DRC11: variants seen among roughly 807,000 people sequenced by gnomAD.
DRC11 encodes IQ and AAA domain-containing protein 1.
At chr2:236,306,889 G>A in the DRC11 span, among the ~76,000 whole-genome samples, 6 of 152,268 alleles carry the variant, frequency 3.9e-5, no homozygotes, top group African/African-American at 9.6e-5. This position sits in a 1 kb window ranked among gnomAD's most constrained non-coding sequence, Gnocchi z 5.9. Flanking sequence ...ATATTATCCT[G>A]TGTGTAAATT....
the DRC11 span, among the ~76,000 whole-genome samples, chr2:236,383,200 T>C: frequency 6.6e-6 from 1 of 152,218 alleles, no homozygotes; most frequent in African/African-American, 2.4e-5. Context: ...TTTCTAAGAA[T>C]GTATCCATTT....
the DRC11 span, among the ~76,000 whole-genome samples, chr2:236,358,000 A>G: frequency 8.7e-6 from 1 of 115,458 alleles, no homozygotes; most frequent in East Asian, 2.6e-4. Flanking sequence ...ATATATGAAT[A>G]TATATTTATA....
At chr2:236,411,626 G>T in the DRC11 span, among the ~76,000 whole-genome samples, 2 of 150,926 alleles carry the variant, frequency 1.3e-5, no homozygotes, top group Non-Finnish European at 3.0e-5. Flanking sequence ...ATTCACAATA[G>T]CAAAGACTTG....
the DRC11 span, among the ~76,000 whole-genome samples, chr2:236,357,293 T>TTA: frequency 0.17 from 20,553 of 119,076 alleles, 2,050 homozygotes; most frequent in Non-Finnish European, 0.22. Context: ...TATTTATATA[T>TTA]TATATATTCA....
At chr2:236,365,448 C>T in the DRC11 span, among the ~76,000 whole-genome samples, 3 of 151,842 alleles carry the variant, frequency 2.0e-5, no homozygotes, top group Non-Finnish European at 2.9e-5. This position sits in a 1 kb window ranked among gnomAD's most constrained non-coding sequence, Gnocchi z 7.4. Flanking sequence ...GCCAGGCTGG[C>T]ACAGGGAGGG....
the DRC11 span, among the ~76,000 whole-genome samples, chr2:236,470,132 C>T: frequency 6.6e-6 from 1 of 152,174 alleles, no homozygotes; most frequent in Non-Finnish European, 1.5e-5. This position sits in a 1 kb window ranked among gnomAD's most constrained non-coding sequence, Gnocchi z 5.1. Flanking sequence ...AAATGCTTAT[C>T]TAATGTTTGA....
the DRC11 span, among the ~76,000 whole-genome samples, chr2:236,497,656 C>A: frequency 6.6e-6 from 1 of 152,158 alleles, no homozygotes; most frequent in Admixed American, 6.5e-5. This position sits in a 1 kb window ranked among gnomAD's most constrained non-coding sequence, Gnocchi z 5.1. Context: ...GTTCTGATGT[C>A]CTTCTGATTT....
the DRC11 span, among the ~76,000 whole-genome samples, chr2:236,438,601 T>C: frequency 6.6e-6 from 1 of 152,100 alleles, no homozygotes; most frequent in Admixed American, 6.5e-5. Context: ...CATTTGTTTG[T>C]ATCCTCTTTT....
chr2:236,493,813 A>T, the DRC11 span: 1 of 1,608,414 alleles, frequency 6.2e-7, no homozygotes, highest in Non-Finnish European at 8.5e-7. Flanking sequence ...TTTGAGCAAG[A>T]ATTTTCTCTC....
At chr2:236,410,074 T>C in the DRC11 span, among the ~76,000 whole-genome samples, 1 of 151,946 alleles carries the variant, frequency 6.6e-6, no homozygotes, top group East Asian at 1.9e-4. Flanking sequence ...AATTCTCTTT[T>C]TTGGTTGTGT....
the DRC11 span, among the ~76,000 whole-genome samples, chr2:236,330,830 A>G: frequency 6.6e-6 from 1 of 152,174 alleles, no homozygotes; most frequent in Non-Finnish European, 1.5e-5. This position sits in a 1 kb window ranked among gnomAD's most constrained non-coding sequence, Gnocchi z 5.5. Flanking sequence ...GGGAGAGATA[A>G]TTCTCAAAGT....
chr2:236,431,806 C>T, the DRC11 span, among the ~76,000 whole-genome samples: 2 of 152,090 alleles, frequency 1.3e-5, no homozygotes, highest in African/African-American at 4.8e-5. This position sits in a 1 kb window ranked among gnomAD's most constrained non-coding sequence, Gnocchi z 4.2. Context: ...CATGGATATA[C>T]CATATTTTAC....
chr2:236,491,117 C>A, the DRC11 span, among the ~76,000 whole-genome samples: 1 of 96,824 alleles, frequency 1.0e-5, no homozygotes, highest in African/African-American at 4.4e-5. Flanking sequence ...TATATATATA[C>A]AGTGTGTATA....
the DRC11 span, among the ~76,000 whole-genome samples, chr2:236,500,472 A>G: frequency 6.6e-6 from 1 of 151,808 alleles, no homozygotes; most frequent in African/African-American, 2.4e-5. This position sits in a 1 kb window ranked among gnomAD's most constrained non-coding sequence, Gnocchi z 6.3. Flanking sequence ...TCCCCCCAAC[A>G]CCCCACTGAG....
the DRC11 span, among the ~76,000 whole-genome samples, chr2:236,458,099 A>C: frequency 6.6e-6 from 1 of 152,160 alleles, no homozygotes; most frequent in East Asian, 1.9e-4. Flanking sequence ...ATTACAAAGG[A>C]GGCCAGGGGC....
the DRC11 span, among the ~76,000 whole-genome samples, chr2:236,396,302 C>T: frequency 1.7e-5 from 1 of 60,256 alleles, no homozygotes; most frequent in Non-Finnish European, 3.1e-5. Context: ...GAAAGAGGGG[C>T]GGGGGGGGGT....
At chr2:236,463,814 G>A in the DRC11 span, among the ~76,000 whole-genome samples, 13 of 152,302 alleles carry the variant, frequency 8.5e-5, no homozygotes, top group South Asian at 2.1e-4. This position sits in a 1 kb window ranked among gnomAD's most constrained non-coding sequence, Gnocchi z 5.0. Context: ...TCAGCTGGGC[G>A]CCTCTGCTTC....
chr2:236,451,932 A>G, the DRC11 span, among the ~76,000 whole-genome samples: 1 of 152,232 alleles, frequency 6.6e-6, no homozygotes, highest in Admixed American at 6.5e-5. Flanking sequence ...AAAAATAAGT[A>G]TGTATGCCTA....
chr2:236,362,137 A>G, the DRC11 span, among the ~76,000 whole-genome samples: 1 of 152,216 alleles, frequency 6.6e-6, no homozygotes, highest in Non-Finnish European at 1.5e-5. This position sits in a 1 kb window ranked among gnomAD's most constrained non-coding sequence, Gnocchi z 5.7. Flanking sequence ...ACAGGGAGAA[A>G]TACAGAAATG....
Sources: allele counts gnomAD v4.1 joint callset (sites outside exome capture counted in the v4.1 genomes callset), GRCh38; gene constraint gnomAD v4.1.1; non-coding constraint Gnocchi (gnomAD v3.1); transcripts MANE v1.5; gene names NCBI Gene and HGNC (gene_info 2026-07-23, HGNC 2026-07-21).